Variants in CLDN16 observed in about 807,000 individuals in gnomAD.
CLDN16 encodes the protein claudin-16.
In CLDN16, 13 loss-of-function variants were observed where a neutral mutation model predicts 24.6. That is an observed-to-expected ratio of 0.53 (90% CI 0.34 to 0.84). The LOEUF is 0.84. Ranked by LOEUF, CLDN16 falls within the 40% of genes least tolerant of loss-of-function variation. CLDN16 has a pLI of 0.01. For synonymous variants in CLDN16, 116 were observed against 106.7 expected (o/e 1.09, Z -0.54); for missense variants, 298 against 292.7 (o/e 1.02, Z -0.13).
chr3:190,313,895 G>A, the CLDN16 span, among the ~76,000 whole-genome samples: 1 of 152,094 alleles, frequency 6.6e-6, no homozygotes, highest in Non-Finnish European at 1.5e-5. Context: ...AAAACTTGAT[G>A]CCATCATTGT....
At chr3:190,300,956 G>C in the CLDN16 span, among the ~76,000 whole-genome samples, 1 of 152,156 alleles carries the variant, frequency 6.6e-6, no homozygotes, top group African/African-American at 2.4e-5. Context: ...ATAAAAGATG[G>C]ATCCGGTAAT....
At chr3:190,338,294 A>G (rs770006353) in intron 1 of CLDN16, among the ~76,000 whole-genome samples, 24 of 152,218 alleles carry the variant, frequency 1.6e-4, no homozygotes, top group Non-Finnish European at 3.5e-4. Flanking sequence ...CTAGTTCTTC[A>G]AGTGGACCAA....
intron 3 of CLDN16, among the ~76,000 whole-genome samples, chr3:190,376,066 G>A (rs532354896): frequency 5.3e-5 from 8 of 151,920 alleles, no homozygotes; most frequent in Non-Finnish European, 1.0e-4. Flanking sequence ...GTATAGCTTG[G>A]AACTGAAAGA....
chr3:190,384,081 C>A (rs1041482815), upstream of CLDN16, among the ~76,000 whole-genome samples: 1 of 152,104 alleles, frequency 6.6e-6, no homozygotes, highest in African/African-American at 2.4e-5. Flanking sequence ...CTCGAGTCAG[C>A]CTGACTATGA....
intron 1 of CLDN16, among the ~76,000 whole-genome samples, chr3:190,355,517 C>A (rs538663614): frequency 2.0e-5 from 3 of 151,838 alleles, no homozygotes; most frequent in Non-Finnish European, 2.9e-5. Flanking sequence ...AATGACCCAC[C>A]TTTTCTCTAG....
upstream of CLDN16, among the ~76,000 whole-genome samples, chr3:190,386,388 G>A (rs1052962404): frequency 6.6e-6 from 1 of 152,100 alleles, no homozygotes; most frequent in African/African-American, 2.4e-5. Context: ...TCTCCTTGAG[G>A]AATATGTTCA....
chr3:190,341,396 G>A (rs113017652), intron 1 of CLDN16, among the ~76,000 whole-genome samples: 4,497 of 152,296 alleles, frequency 0.03, 109 homozygotes, highest in East Asian at 0.081. Flanking sequence ...CCAGGTGGAA[G>A]CTGCCAAGGT....
the CLDN16 span, among the ~76,000 whole-genome samples, chr3:190,312,669 C>A: frequency 6.6e-6 from 1 of 152,214 alleles, no homozygotes; most frequent in African/African-American, 2.4e-5. Context: ...GAAACTTCAA[C>A]CAATAGACCT....
chr3:190,321,084 CT>C (rs1560076989), upstream of CLDN16, among the ~76,000 whole-genome samples: 1 of 152,170 alleles, frequency 6.6e-6, no homozygotes, highest in East Asian at 1.9e-4. Context: ...ACAGAAATTT[CT>C]TTGTGGAAGA....
rs565111412 is a variant in CLDN16, at chr3:190,377,333, C to CT, written n.306+2739dup. Among the ~76,000 whole-genome samples the CT allele has an allele frequency of 4.8e-4, 73 of 151,430 alleles. No homozygotes were observed. The South Asian group carries it at 7.9e-3, about 16-fold the overall frequency. On this transcript the variant is annotated intron_variant and non_coding_transcript_variant, in intron 3 of 4. Coordinates refer to the CLDN16 transcript ENST00000468220. ...GCTAATGCATTTGATATCCAAATAA[C>CT]TTTTTTTTTCACTTCTGTTTAAGTT...
intron 1 of CLDN16, among the ~76,000 whole-genome samples, chr3:190,342,162 A>G (rs1181094721): frequency 1.3e-5 from 2 of 152,170 alleles, no homozygotes; most frequent in Non-Finnish European, 2.9e-5. Context: ...CCACATTTTC[A>G]GGTATCTTTT....
chr3:190,305,279 G>A, the CLDN16 span, among the ~76,000 whole-genome samples: 1 of 152,164 alleles, frequency 6.6e-6, no homozygotes, highest in Non-Finnish European at 1.5e-5. Flanking sequence ...GAGTGAATGA[G>A]TTCCATCACA....
chr3:190,295,976 T>A, the CLDN16 span, among the ~76,000 whole-genome samples: 1 of 152,204 alleles, frequency 6.6e-6, no homozygotes, highest in African/African-American at 2.4e-5. Flanking sequence ...CTCTAGGGTT[T>A]TTTATTTCAT....
At chr3:190,298,666 G>C in the CLDN16 span, among the ~76,000 whole-genome samples, 1 of 152,020 alleles carries the variant, frequency 6.6e-6, no homozygotes, top group African/African-American at 2.4e-5. Context: ...TGTTTCTCCC[G>C]ACCTCAGGTG....
At chr3:190,322,141 G>A (rs562285276), upstream of CLDN16, 15 of 1,614,228 alleles carry the variant, frequency 9.3e-6, no homozygotes, top group East Asian at 3.1e-4. Context: ...CAGTGCTGAC[G>A]ATGGCGCCGA....
chr3:190,300,055 T>C, the CLDN16 span, among the ~76,000 whole-genome samples: 1 of 152,222 alleles, frequency 6.6e-6, no homozygotes, highest in Non-Finnish European at 1.5e-5. Context: ...ACTTGGAATG[T>C]GAGAAAACCA....
chr3:190,318,440 A>T (rs1160668779), upstream of CLDN16, among the ~76,000 whole-genome samples: 1 of 152,196 alleles, frequency 6.6e-6, no homozygotes, highest in African/African-American at 2.4e-5. Flanking sequence ...TCTTAGCTGC[A>T]CCATCCTTAG....
At chr3:190,322,442 G>A (rs1716955627), upstream of CLDN16, 2 of 576,838 alleles carry the variant, frequency 3.5e-6, no homozygotes, top group South Asian at 4.0e-5. Context: ...CTCGGGAACT[G>A]AGACGCAGAA....
At chr3:190,379,059 G>A (rs145438395) in intron 3 of CLDN16, among the ~76,000 whole-genome samples, 72 of 152,126 alleles carry the variant, frequency 4.7e-4, no homozygotes, top group Admixed American at 1.6e-3. Context: ...AATTTGAGGC[G>A]TAAGCAAAGA....
Sources: gnomAD v4.1 joint callset for allele counts (sites outside exome capture counted in the v4.1 genomes callset) on GRCh38, gnomAD v4.1.1 for gene constraint, MANE v1.5 for transcripts, NCBI Gene and HGNC (gene_info 2026-07-23, HGNC 2026-07-21) for gene names.